The following RHBDD1 variants were observed in gnomAD, a reference collection of about 807,000 sequenced individuals.
The protein encoded by RHBDD1 is rhomboid-related protein 4.
In RHBDD1, 38 loss-of-function variants were observed where a neutral mutation model predicts 36.3. The observed-to-expected ratio is 1.05, with a 90% CI of 0.81 to 1.37. The LOEUF (loss-of-function observed/expected upper bound fraction) is 1.37. Among genes scored for constraint, RHBDD1 ranks in the 40% most tolerant of loss-of-function variants. The probability of loss-of-function intolerance (pLI) is 0.00; values close to 1 mark genes in which losing one functional copy is unlikely to be tolerated. For synonymous variants in RHBDD1, 151 were observed against 136.5 expected (o/e 1.11, Z -0.74); for missense variants, 393 against 377.6 (o/e 1.04, Z -0.34).
At chr2:226,841,591 A>G (rs1941639895) in intron 3 of RHBDD1, among the ~76,000 whole-genome samples, 1 of 152,126 alleles carries the variant, frequency 6.6e-6, no homozygotes. Flanking sequence ...TGCTGAGGAT[A>G]ATGGCTTCTA....
At chr2:226,899,906 A>G (rs940786740) in intron 5 of RHBDD1, among the ~76,000 whole-genome samples, 1 of 152,230 alleles carries the variant, frequency 6.6e-6, no homozygotes, top group African/African-American at 2.4e-5. Flanking sequence ...ACAATAAGTT[A>G]ATGAACTTGA....
chr2:226,849,773 C>T (rs986598465), intron 3 of RHBDD1, among the ~76,000 whole-genome samples: 2 of 152,180 alleles, frequency 1.3e-5, no homozygotes, highest in African/African-American at 4.8e-5. Flanking sequence ...GTATCTATAT[C>T]TATATATCTA....
chr2:226,959,425 C>T lies in RHBDD1; in HGVS notation c.857-36006C>T, dbSNP rs1176709779. Among the ~76,000 whole-genome samples, 3 of 152,188 alleles carry T rather than the reference C, an allele frequency of 2.0e-5. No homozygotes were observed. In the East Asian group the frequency reaches 5.8e-4, roughly 29 times the overall value. ...GTAATTTATTCCTACTCTCCTCCACCCTTATCCCCTACCAGCCACTGGTCT... is the reference window on the plus strand; with the variant it reads ...GTAATTTATTCCTACTCTCCTCCACTCTTATCCCCTACCAGCCACTGGTCT... On this transcript the variant is annotated intron_variant, in intron 8 of 8. Transcript: ENST00000392062.
At chr2:226,816,375 C>CAAAAAAAAAAAAAAAA in the RHBDD1 span, among the ~76,000 whole-genome samples, 20 of 64,938 alleles carry the variant, frequency 3.1e-4, no homozygotes, top group African/African-American at 8.4e-4. Flanking sequence ...GGAATGGTGG[C>CAAAAAAAAAAAAAAAA]AAAAAAAAAA....
chr2:226,986,837 C>G (rs1957061009), intron 8 of RHBDD1, among the ~76,000 whole-genome samples: 1 of 152,096 alleles, frequency 6.6e-6, no homozygotes, highest in African/African-American at 2.4e-5. Context: ...GGGTATATAC[C>G]CAAAGGACTA....
intron 4 of RHBDD1, among the ~76,000 whole-genome samples, chr2:226,866,055 CTTTAT>C (rs956167450): frequency 1.3e-5 from 2 of 152,110 alleles, no homozygotes; most frequent in Non-Finnish European, 2.9e-5. Flanking sequence ...ATGGGATTAT[CTTTAT>C]TTTATTTTAT....
intron 8 of RHBDD1, among the ~76,000 whole-genome samples, chr2:226,937,375 T>C (rs988203249): frequency 6.6e-5 from 10 of 152,178 alleles, no homozygotes; most frequent in African/African-American, 1.2e-4. Flanking sequence ...ATAGTTGATA[T>C]TTTCAGTGAA....
chr2:226,897,413 C>T (rs1947195527), intron 5 of RHBDD1, among the ~76,000 whole-genome samples: 2 of 152,108 alleles, frequency 1.3e-5, no homozygotes, highest in African/African-American at 4.8e-5. Context: ...GTGTAATAGT[C>T]ACTAAATATT....
chr2:226,844,116 G>T (rs980109703), intron 3 of RHBDD1, among the ~76,000 whole-genome samples: 1 of 152,148 alleles, frequency 6.6e-6, no homozygotes, highest in Non-Finnish European at 1.5e-5. Flanking sequence ...GGTAGATCTG[G>T]AAAACTCTTC....
chr2:226,827,141 T>C, the RHBDD1 span, among the ~76,000 whole-genome samples: 1 of 151,986 alleles, frequency 6.6e-6, no homozygotes, highest in African/African-American at 2.4e-5. Context: ...TATATATATA[T>C]TTTTGTAGAG....
the RHBDD1 span, among the ~76,000 whole-genome samples, chr2:226,827,106 T>C: frequency 6.6e-6 from 1 of 152,090 alleles, no homozygotes. Context: ...CACAGGTGCA[T>C]ACCACCATGT....
At chr2:226,942,980 A>C (rs1950761677) in intron 8 of RHBDD1, among the ~76,000 whole-genome samples, 1 of 152,144 alleles carries the variant, frequency 6.6e-6, no homozygotes, top group Non-Finnish European at 1.5e-5. Context: ...GCCTCTCTTA[A>C]ACAATCTTAC....
intron 3 of RHBDD1, among the ~76,000 whole-genome samples, chr2:226,862,029 CATATAT>C (rs754617023): frequency 6.6e-6 from 1 of 151,992 alleles, no homozygotes; most frequent in African/African-American, 2.4e-5. Context: ...TATGCATACA[CATATAT>C]ATATACACAT....
intron 8 of RHBDD1, among the ~76,000 whole-genome samples, chr2:226,920,826 T>A (rs766006391): frequency 3.3e-5 from 5 of 152,164 alleles, no homozygotes; most frequent in African/African-American, 4.8e-5. Flanking sequence ...TGTGGTTTTC[T>A]TTGATATCTT....
intron 5 of RHBDD1, among the ~76,000 whole-genome samples, chr2:226,881,131 CT>C (rs1412745195): frequency 3.9e-5 from 6 of 151,968 alleles, no homozygotes; most frequent in Non-Finnish European, 8.8e-5. Context: ...GGAAGAGCCC[CT>C]TATGAAACCA....
chr2:226,959,610 A>T (rs1050818471), intron 8 of RHBDD1, among the ~76,000 whole-genome samples: 2 of 152,216 alleles, frequency 1.3e-5, no homozygotes, highest in African/African-American at 4.8e-5. Context: ...ATTGCCAAGT[A>T]CTAGTCCATT....
intron 8 of RHBDD1, among the ~76,000 whole-genome samples, chr2:226,922,737 G>A (rs1379233117): frequency 1.3e-5 from 2 of 151,896 alleles, no homozygotes; most frequent in African/African-American, 4.8e-5. Flanking sequence ...GATGTTCTCT[G>A]GAGGTATGTT....
intron 8 of RHBDD1, among the ~76,000 whole-genome samples, chr2:226,975,273 C>CA (rs1222415634): frequency 6.6e-6 from 1 of 152,084 alleles, no homozygotes; most frequent in African/African-American, 2.4e-5. Flanking sequence ...GTACTCATTT[C>CA]ACTACACACA....
intron 5 of RHBDD1, chr2:226,867,519 G>A (rs1944436500): frequency 1.1e-6 from 1 of 937,194 alleles, no homozygotes; most frequent in Non-Finnish European, 1.3e-6. Flanking sequence ...ATAATTTTGG[G>A]TCACTTGTCT....
Sources: allele counts gnomAD v4.1 joint callset (sites outside exome capture counted in the v4.1 genomes callset), GRCh38; gene constraint gnomAD v4.1.1; transcripts MANE v1.5; gene names NCBI Gene and HGNC (gene_info 2026-07-23, HGNC 2026-07-21).